The following TRIO variants were observed in gnomAD, a reference collection of about 807,000 sequenced individuals.
TRIO encodes trio Rho guanine nucleotide exchange factor.
TRIO carries 58 observed loss-of-function variants against 351.9 expected under a neutral mutation model. That is an observed-to-expected ratio of 0.16 (90% CI 0.13 to 0.21). The LOEUF (loss-of-function observed/expected upper bound fraction) is 0.21. TRIO is among the 10% of genes least tolerant of loss of function. The probability of loss-of-function intolerance (pLI) is 1.00; values close to 1 mark genes in which losing one functional copy is unlikely to be tolerated. For missense variants in TRIO, 3,201 were observed against 4,027.8 expected, an observed-to-expected ratio of 0.79 and a Z score of 5.56; for synonymous variants, 1,758 against 1,595.7, an observed-to-expected ratio of 1.10 and a Z score of -2.42.
At chr5:14,378,351 C>G (rs1745750390) in intron 20 of TRIO, among the ~76,000 whole-genome samples, 1 of 152,212 alleles carries the variant, frequency 6.6e-6, no homozygotes, top group South Asian at 2.1e-4. Context: ...CCCCTACTGT[C>G]TTTACCTCAT....
chr5:14,432,988 A>C (rs902956119), intron 34 of TRIO, among the ~76,000 whole-genome samples: 4 of 152,198 alleles, frequency 2.6e-5, no homozygotes, highest in African/African-American at 7.2e-5. Flanking sequence ...AGTTAGCTAC[A>C]TGGCTCTTAA....
chr5:14,301,702 ACTTGAC>A (rs1312422095), intron 7 of TRIO, among the ~76,000 whole-genome samples: 1 of 152,046 alleles, frequency 6.6e-6, no homozygotes, highest in Non-Finnish European at 1.5e-5. Context: ...TCAACACCAA[ACTTGAC>A]CTCAGGATGC....
At chr5:14,299,751 C>A (rs1737693888) in intron 7 of TRIO, among the ~76,000 whole-genome samples, 1 of 152,200 alleles carries the variant, frequency 6.6e-6, no homozygotes, top group Admixed American at 6.5e-5. Flanking sequence ...ATAGTCACCT[C>A]TTTGAATCAC....
At chr5:14,424,345 T>C (rs535521564) in intron 34 of TRIO, among the ~76,000 whole-genome samples, 4 of 152,308 alleles carry the variant, frequency 2.6e-5, no homozygotes, top group Admixed American at 1.3e-4. Context: ...CACCCACTTA[T>C]AAAAATTAAC....
At chr5:14,345,888 A>G (rs188250804) in intron 11 of TRIO, among the ~76,000 whole-genome samples, 2 of 152,264 alleles carry the variant, frequency 1.3e-5, no homozygotes, top group African/African-American at 2.4e-5. Flanking sequence ...ATGATTCTCT[A>G]TTTCTTATTT....
chr5:14,357,729 G>C (rs1260949590), intron 11 of TRIO, among the ~76,000 whole-genome samples: 1 of 152,084 alleles, frequency 6.6e-6, no homozygotes, highest in Non-Finnish European at 1.5e-5. Flanking sequence ...GTGCTTCCGG[G>C]GGAAATCGGT....
intron 1 of TRIO, among the ~76,000 whole-genome samples, chr5:14,220,861 G>A (rs1290753519): frequency 6.6e-6 from 1 of 152,234 alleles, no homozygotes. Flanking sequence ...AACTGCTGAT[G>A]TGGAAGCTGC....
At chr5:14,269,163 C>T (rs932028807) in intron 1 of TRIO, among the ~76,000 whole-genome samples, 3 of 152,156 alleles carry the variant, frequency 2.0e-5, no homozygotes, top group Non-Finnish European at 4.4e-5. Context: ...CCTCATGGTC[C>T]TCAGCCGGAT....
At chr5:14,175,616 G>C (rs1265132147) in intron 1 of TRIO, among the ~76,000 whole-genome samples, 2 of 152,204 alleles carry the variant, frequency 1.3e-5, no homozygotes, top group African/African-American at 2.4e-5. Context: ...TGTTAGAAAT[G>C]ATGAGACTCA....
chr5:14,377,745 A>G (rs1315847296), intron 19 of TRIO, among the ~76,000 whole-genome samples: 1 of 152,192 alleles, frequency 6.6e-6, no homozygotes, highest in African/African-American at 2.4e-5. Context: ...AAATACACAT[A>G]TCCCACGAAT....
chr5:14,332,693 A>G (rs1312617840), intron 10 of TRIO, among the ~76,000 whole-genome samples: 1 of 152,198 alleles, frequency 6.6e-6, no homozygotes, highest in East Asian at 1.9e-4. Flanking sequence ...CTTATTAAAA[A>G]TACTTCCAAA....
At chr5:14,442,498 G>A (rs1281381319) in intron 34 of TRIO, among the ~76,000 whole-genome samples, 1 of 152,184 alleles carries the variant, frequency 6.6e-6, no homozygotes, top group East Asian at 1.9e-4. Flanking sequence ...GGTAAGAGTT[G>A]GCTGCGTGAA....
chr5:14,464,730 G>T (rs1321394870), intron 36 of TRIO, among the ~76,000 whole-genome samples: 1 of 152,206 alleles, frequency 6.6e-6, no homozygotes, highest in Non-Finnish European at 1.5e-5. Flanking sequence ...AGGACAGCCC[G>T]CTGTGGGTCG....
chr5:14,349,790 A>G (rs1742877400), intron 11 of TRIO, among the ~76,000 whole-genome samples: 1 of 152,194 alleles, frequency 6.6e-6, no homozygotes, highest in African/African-American at 2.4e-5. Context: ...AACTCATGTC[A>G]CAGGGGGTTG....
At chr5:14,415,732 G>A (rs1395055077) in intron 33 of TRIO, among the ~76,000 whole-genome samples, 1 of 152,164 alleles carries the variant, frequency 6.6e-6, no homozygotes, top group Admixed American at 6.5e-5. Flanking sequence ...GAAAGGAACC[G>A]ATTTGATTTT....
At chr5:14,272,694 G>A (rs968678205) in intron 2 of TRIO, among the ~76,000 whole-genome samples, 1 of 152,146 alleles carries the variant, frequency 6.6e-6, no homozygotes, top group African/African-American at 2.4e-5. Flanking sequence ...AGCAGTCTTA[G>A]CAAAATGACG....
chr5:14,405,903 A>G lies in TRIO; in HGVS notation c.4772A>G (p.Gln1591Arg). 1 of 1,613,974 alleles carries G rather than the reference A, an allele frequency of 6.2e-7. No individual in the cohort carries two copies. Among genetic ancestry groups the G allele is most frequent in the Non-Finnish European group, 8.5e-7 (1 of 1,180,006 alleles). Residue 1591 changes from glutamine (Q) to arginine (R), a missense_variant, in exon 32 of 57, where the codon CAG becomes CGG. Transcript: ENST00000344204. Reference sequence around the variant, plus strand: ...ATAAAGCATATCCGCGAAGTCATCCAGGAGCGGACGATCCACCTGAAGGGA... The same window carrying G: ...ATAAAGCATATCCGCGAAGTCATCCGGGAGCGGACGATCCACCTGAAGGGA... ...DWIKHIREVI[Q>R]ERTIHLKGAL... is the part of the protein sequence containing the mutation.
At chr5:14,490,670 G>C (rs1579815290) in intron 48 of TRIO, 1 of 393,502 alleles carries the variant, frequency 2.5e-6, no homozygotes, top group South Asian at 1.8e-5. Flanking sequence ...CCCACTGGTG[G>C]GTTGGTGGTG....
intron 9 of TRIO, among the ~76,000 whole-genome samples, chr5:14,322,336 G>A (rs1452751884): frequency 2.0e-5 from 3 of 152,234 alleles, no homozygotes; most frequent in African/African-American, 7.2e-5. Flanking sequence ...TTTGATTGAT[G>A]TTGGGGAACT....
Sources: gnomAD v4.1 joint callset for allele counts (sites outside exome capture counted in the v4.1 genomes callset) on GRCh38, gnomAD v4.1.1 for gene constraint, MANE v1.5 for transcripts, NCBI Gene and HGNC (gene_info 2026-07-23, HGNC 2026-07-21) for gene names.